FBXO34: variants seen among roughly 807,000 people sequenced by gnomAD.
FBXO34 encodes the protein F-box protein 34.
FBXO34 carries 12 observed loss-of-function variants against 24.5 expected under a neutral mutation model. The ratio of observed to expected loss-of-function variants is 0.49; its 90% CI spans 0.31 to 0.79. The LOEUF (loss-of-function observed/expected upper bound fraction) is 0.79, where lower values mean the gene tolerates loss of function less well. FBXO34 is among the 30% of genes least tolerant of loss of function. The pLI, the probability that FBXO34 is intolerant of heterozygous loss-of-function variation, is 0.04. For missense variants in FBXO34, 823 were observed against 857.7 expected (o/e 0.96, Z 0.51); for synonymous variants, 320 against 311.9 (o/e 1.03, Z -0.27).
At chr14:55,424,215 A>T in the FBXO34 span, 5 of 1,613,524 alleles carry the variant, frequency 3.1e-6, no homozygotes, top group Non-Finnish European at 4.2e-6. Context: ...TGGTTTTACC[A>T]TTCTATAAAT....
chr14:55,372,540 TCCTTCTTTCCCTTTCTCCCTCCCTC>T (rs1021357372), downstream of FBXO34, among the ~76,000 whole-genome samples: 5 of 151,528 alleles, frequency 3.3e-5, no homozygotes, highest in Admixed American at 3.3e-4. Context: ...ACTCCTCCCT[TCCTTCTTTCCCTTTCTCCCTCCCTC>T]CCTTCTTTCC....
chr14:55,408,746 C>A, the FBXO34 span, among the ~76,000 whole-genome samples: 2 of 151,986 alleles, frequency 1.3e-5, no homozygotes, highest in African/African-American at 2.4e-5. Context: ...ACTCCAGCCT[C>A]GGTGACAGAG....
Position 55,351,977 on chromosome 14 carries a change from G to T in FBXO34, c.1587G>T (p.Glu529Asp), listed in dbSNP as rs1391491708. 1 of 1,614,032 alleles carries T rather than the reference G, an allele frequency of 6.2e-7. No individual in the cohort carries two copies. Among genetic ancestry groups the T allele is most frequent in the Admixed American group, 1.7e-5 (1 of 59,996 alleles). Reference protein sequence around the residue: ...SASEEKSGSAEPFVLPASSVE... With the variant: ...SASEEKSGSADPFVLPASSVE... ...CTGAGGAAAAAAGTGGGTCTGCTGA[G>T]CCATTTGTACTGCCAGCCTCTTCTG... is the stretch of plus-strand genomic sequence containing the variant. Residue 529 changes from glutamate to aspartate, a missense_variant, in exon 2 of 2, where the codon GAG becomes GAT. Transcript: ENST00000313833.
chr14:55,332,677 T>A (rs1883638322), intron 1 of FBXO34, among the ~76,000 whole-genome samples: 1 of 152,206 alleles, frequency 6.6e-6, no homozygotes, highest in Non-Finnish European at 1.5e-5. Context: ...ATTATTTAGA[T>A]TTTTTTATAA....
exon 3 of FBXO34, chr14:55,367,454 C>T (rs1325442814): frequency 2.0e-5 from 3 of 152,122 alleles, no homozygotes; most frequent in African/African-American, 7.2e-5. Flanking sequence ...TAGAAGAACC[C>T]ATAAGGGGCC....
the FBXO34 span, chr14:55,397,471 C>T: frequency 6.5e-7 from 1 of 1,528,930 alleles, no homozygotes; most frequent in South Asian, 1.1e-5. Context: ...TTTAAATGGT[C>T]ATTTTTTCAG....
intron 1 of FBXO34, among the ~76,000 whole-genome samples, chr14:55,333,182 A>G (rs1883658421): frequency 6.6e-6 from 1 of 152,204 alleles, no homozygotes; most frequent in South Asian, 2.1e-4. Context: ...TGGAATGATT[A>G]CTGTTCTTTA....
At chr14:55,398,885 A>G in the FBXO34 span, among the ~76,000 whole-genome samples, 3 of 152,306 alleles carry the variant, frequency 2.0e-5, no homozygotes, top group South Asian at 4.1e-4. Flanking sequence ...CTAACATCAT[A>G]CAACTGACTG....
At chr14:55,412,445 G>A in the FBXO34 span, among the ~76,000 whole-genome samples, 1 of 152,112 alleles carries the variant, frequency 6.6e-6, no homozygotes, top group Admixed American at 6.5e-5. Flanking sequence ...AATCAGAATT[G>A]TATCCTTCTG....
chr14:55,302,313 G>A (rs758899675), intron 1 of FBXO34, among the ~76,000 whole-genome samples: 1 of 152,204 alleles, frequency 6.6e-6, no homozygotes. Context: ...TAGATAGGTA[G>A]ATTTGGACCT....
the FBXO34 span, among the ~76,000 whole-genome samples, chr14:55,377,177 T>C: frequency 6.6e-6 from 1 of 152,034 alleles, no homozygotes; most frequent in Admixed American, 6.6e-5. Context: ...TGAAACCCTG[T>C]CTCTACTAAA....
chr14:55,430,409 A>G, the FBXO34 span, among the ~76,000 whole-genome samples: 1 of 150,938 alleles, frequency 6.6e-6, no homozygotes, highest in Admixed American at 6.6e-5. Flanking sequence ...AAAAAAAAAA[A>G]AAAAAAAAAA....
chr14:55,369,896 A>G (rs776500399), downstream of FBXO34: 1 of 1,612,834 alleles, frequency 6.2e-7, no homozygotes, highest in Non-Finnish European at 8.5e-7. Flanking sequence ...GGACTCCTCA[A>G]GGTCTGCTCG....
At chr14:55,436,481 C>T in the FBXO34 span, 1 of 1,228,544 alleles carries the variant, frequency 8.1e-7, no homozygotes, top group Non-Finnish European at 1.2e-6. Flanking sequence ...CTACTATTAT[C>T]CTGAAATTAG....
the FBXO34 span, chr14:55,411,890 G>A: frequency 1.1e-5 from 15 of 1,417,570 alleles, no homozygotes; most frequent in Non-Finnish European, 1.4e-5. Flanking sequence ...GGGCCAGGAG[G>A]AGGGGCCTGG....
At chr14:55,366,073 G>A (rs767767550), downstream of FBXO34, among the ~76,000 whole-genome samples, 1 of 152,118 alleles carries the variant, frequency 6.6e-6, no homozygotes, top group Non-Finnish European at 1.5e-5. Context: ...GGGCATCCTA[G>A]AGGCCTTCTG....
intron 1 of FBXO34, among the ~76,000 whole-genome samples, chr14:55,310,383 G>A (rs1882694910): frequency 6.6e-6 from 1 of 152,130 alleles, no homozygotes; most frequent in Non-Finnish European, 1.5e-5. Context: ...AATTCAAGTA[G>A]CATTTCATGC....
At chr14:55,373,010 G>GAGGCTCCTGGC (rs11275289), downstream of FBXO34, among the ~76,000 whole-genome samples, 6 of 151,670 alleles carry the variant, frequency 4.0e-5, no homozygotes, top group African/African-American at 1.5e-4. Context: ...AGAGCAGGAG[G>GAGGCTCCTGGC]AGAGGCCCCT....
At chr14:55,430,468 A>G in the FBXO34 span, among the ~76,000 whole-genome samples, 1 of 151,160 alleles carries the variant, frequency 6.6e-6, no homozygotes, top group South Asian at 2.1e-4. Flanking sequence ...GTGCAGTGGC[A>G]TGATCATAGC....
Sources: gnomAD v4.1 joint callset for allele counts (sites outside exome capture counted in the v4.1 genomes callset) on GRCh38, gnomAD v4.1.1 for gene constraint, MANE v1.5 for transcripts, NCBI Gene and HGNC (gene_info 2026-07-23, HGNC 2026-07-21) for gene names.